Variants in TAFA1 observed in about 807,000 individuals in gnomAD.
TAFA1 encodes the protein chemokine-like protein TAFA-1.
Under a neutral mutation model 18.5 loss-of-function variants are expected in TAFA1, and 4 were observed. That is an observed-to-expected ratio of 0.22 (90% confidence interval 0.11 to 0.49). The LOEUF (loss-of-function observed/expected upper bound fraction) is 0.49. Ranked by LOEUF, TAFA1 falls within the 20% of genes least tolerant of loss-of-function variation. The probability of loss-of-function intolerance (pLI) is 0.98; values close to 1 mark genes in which losing one functional copy is unlikely to be tolerated. For synonymous variants in TAFA1, 56 were observed against 55.2 expected (o/e 1.01, Z -0.06); for missense variants, 147 against 169.0 (o/e 0.87, Z 0.72).
rs114215639 is a variant in TAFA1 at position 68,194,403 on chromosome 3, A to G, written c.118+187659A>G. On this transcript the variant is annotated intron_variant, in intron 2 of 4. Coordinates refer to ENST00000478136, the MANE Select transcript of TAFA1 (RefSeq NM_213609.4). ...TGTGCAAGATTGGAATTCCATAGCC[A>G]CTGAGAACAAATTAAAAAGATGAGA... 5.2e-3 allele frequency among the ~76,000 whole-genome samples: 789 copies of G among 151,904 alleles called. 3 individuals are homozygous for G. The highest frequency in any genetic ancestry group is 0.018 in the African/African-American group (763 of 41,488).
chr3:68,264,654 T>G (rs1243738468), intron 2 of TAFA1, among the ~76,000 whole-genome samples: 2 of 111,428 alleles, frequency 1.8e-5, no homozygotes, highest in Non-Finnish European at 3.7e-5. Context: ...ATTTTGAGCT[T>G]AACACAGTCA....
At chr3:68,387,940 T>C (rs2070139768) in intron 2 of TAFA1, among the ~76,000 whole-genome samples, 1 of 152,200 alleles carries the variant, frequency 6.6e-6, no homozygotes, top group African/African-American at 2.4e-5. Flanking sequence ...GACTATATCA[T>C]TAAAACTAAT....
intron 2 of TAFA1, among the ~76,000 whole-genome samples, chr3:68,083,390 G>A (rs1189635913): frequency 6.6e-6 from 1 of 152,220 alleles, no homozygotes; most frequent in Non-Finnish European, 1.5e-5. Flanking sequence ...AACATTTCAA[G>A]TAAAATAATA....
chr3:68,075,720 A>C (rs1390067706), intron 2 of TAFA1, among the ~76,000 whole-genome samples: 3 of 147,918 alleles, frequency 2.0e-5, no homozygotes, highest in Non-Finnish European at 4.5e-5. Flanking sequence ...TTTTTTGGAC[A>C]AGGTTTTGCT....
intron 2 of TAFA1, among the ~76,000 whole-genome samples, chr3:68,083,794 A>G (rs930814749): frequency 6.7e-6 from 1 of 149,036 alleles, no homozygotes; most frequent in Non-Finnish European, 1.5e-5. Flanking sequence ...CAGCCTTGAT[A>G]TTTTTTTTTT....
intron 3 of TAFA1, among the ~76,000 whole-genome samples, chr3:68,460,454 A>G (rs532177814): frequency 6.6e-6 from 1 of 152,252 alleles, no homozygotes; most frequent in Admixed American, 6.5e-5. Context: ...GGAGAGACAG[A>G]CTTTTAGCAT....
intron 2 of TAFA1, among the ~76,000 whole-genome samples, chr3:68,379,847 T>C (rs1025187893): frequency 5.9e-5 from 9 of 151,962 alleles, no homozygotes; most frequent in Non-Finnish European, 1.0e-4. Flanking sequence ...ACATGTGCCA[T>C]GTTGGTGTGC....
intron 2 of TAFA1, among the ~76,000 whole-genome samples, chr3:68,116,515 T>C (rs565234237): frequency 5.3e-5 from 8 of 152,346 alleles, no homozygotes; most frequent in African/African-American, 1.9e-4. Flanking sequence ...AAATTAACAT[T>C]AACAATCTAA....
rs115496367 is a variant in TAFA1, at chr3:68,039,835, G to A, written c.118+33091G>A. ...TCAGTTTTGCTGGGGCTTTCTGGGG[G>A]ACTGTGAAGGACATACCTCAGAGAA... On this transcript the variant is annotated intron_variant, in intron 2 of 4. Transcript: ENST00000478136. Among the ~76,000 whole-genome samples, 372 of 152,246 alleles carry A rather than the reference G, an allele frequency of 2.4e-3. 1 individual carries two copies. The highest frequency in any genetic ancestry group is 8.5e-3 in the African/African-American group (354 of 41,546).
chr3:68,376,854 A>G (rs1329265623), intron 2 of TAFA1, among the ~76,000 whole-genome samples: 2 of 152,134 alleles, frequency 1.3e-5, no homozygotes, highest in East Asian at 3.9e-4. Flanking sequence ...AGGTGATTGG[A>G]TCATGAGAGA....
intron 2 of TAFA1, among the ~76,000 whole-genome samples, chr3:68,292,396 AGAGT>A (rs912064790): frequency 6.7e-6 from 1 of 148,910 alleles, no homozygotes; most frequent in African/African-American, 2.5e-5. Flanking sequence ...CCTGAGCAAC[AGAGT>A]GAGACTCTGT....
Position 68,263,447 on chromosome 3 carries a change from A to ACACACACG in TAFA1, c.119-153826_119-153825insGCACACAC, listed in dbSNP as rs1491176928. Among the ~76,000 whole-genome samples the ACACACACG allele has an allele frequency of 9.7e-4, 23 of 23,680 alleles. No homozygotes were observed. In the East Asian group the frequency reaches 0.068, roughly 70 times the overall value. The allele number at this position is 23,680 out of a possible 152,430, so 15.5% of individuals were successfully genotyped here. A position where few individuals can be genotyped will look rare whatever the true frequency, so the allele number is the denominator to read the frequency against. On this transcript the variant is annotated intron_variant, in intron 2 of 4. Transcript: ENST00000478136. ...ACAGATACTTTAACCACACACACAT[A>ACACACACG]CACACACACACACACACACACACAC...
At chr3:68,156,168 C>T (rs2065864499) in intron 2 of TAFA1, among the ~76,000 whole-genome samples, 1 of 152,134 alleles carries the variant, frequency 6.6e-6, no homozygotes, top group African/African-American at 2.4e-5. Context: ...GGGCTTACTG[C>T]AGCAGAATCA....
intron 3 of TAFA1, among the ~76,000 whole-genome samples, chr3:68,455,066 T>C (rs893095316): frequency 6.6e-6 from 1 of 152,206 alleles, no homozygotes. Context: ...TATTATACAC[T>C]GTTTTCTTAC....
At chr3:68,208,068 C>T (rs1056471380) in intron 2 of TAFA1, among the ~76,000 whole-genome samples, 4 of 151,708 alleles carry the variant, frequency 2.6e-5, no homozygotes, top group Non-Finnish European at 5.9e-5. Flanking sequence ...TTATATTTTT[C>T]ATTGTATGAA....
intron 2 of TAFA1, among the ~76,000 whole-genome samples, chr3:68,332,682 C>T (rs998241234): frequency 6.6e-6 from 1 of 152,188 alleles, no homozygotes; most frequent in African/African-American, 2.4e-5. Flanking sequence ...CTCAACATCA[C>T]TCATCATGGA....
Position 68,244,401 on chromosome 3 carries a change from C to T in TAFA1, c.119-172879C>T, listed in dbSNP as rs529951384. 6.5e-4 allele frequency among the ~76,000 whole-genome samples: 99 copies of T among 152,168 alleles called. 2 individuals carry two copies. Among genetic ancestry groups the T allele is most frequent in the South Asian group, 6.0e-3 (29 of 4,814 alleles). ...AGTGTTTTATCTTTTAGATTTATGA[C>T]CATGATCCATTTTAGTTAATTTTCC... On this transcript the variant is annotated intron_variant, in intron 2 of 4. Transcript: ENST00000478136.
At chr3:68,111,961 A>G (rs1575622119) in intron 2 of TAFA1, among the ~76,000 whole-genome samples, 1 of 152,280 alleles carries the variant, frequency 6.6e-6, no homozygotes, top group East Asian at 1.9e-4. Context: ...AGGAAAAGAT[A>G]CTCCATAAAA....
chr3:68,165,588 C>T (rs2065973892), intron 2 of TAFA1, among the ~76,000 whole-genome samples: 1 of 152,140 alleles, frequency 6.6e-6, no homozygotes, highest in African/African-American at 2.4e-5. Context: ...TCTCAAATTG[C>T]CTAAAGTCTG....
Sources: allele counts gnomAD v4.1 joint callset (sites outside exome capture counted in the v4.1 genomes callset), GRCh38; gene constraint gnomAD v4.1.1; transcripts MANE v1.5; gene names NCBI Gene and HGNC (gene_info 2026-07-23, HGNC 2026-07-21).